Variants in OSBPL1A observed in about 807,000 individuals in gnomAD.
OSBPL1A encodes the protein oxysterol-binding protein-related protein 1.
OSBPL1A carries 80 observed loss-of-function variants against 137.1 expected under a neutral mutation model. That is an observed-to-expected ratio of 0.58 (90% confidence interval 0.49 to 0.70). The LOEUF (loss-of-function observed/expected upper bound fraction) is 0.70, where lower values mean the gene tolerates loss of function less well. OSBPL1A is among the 30% of genes least tolerant of loss of function. The pLI, the probability that OSBPL1A is intolerant of heterozygous loss-of-function variation, is 0.00. For missense variants in OSBPL1A, 970 were observed against 1,129.4 expected, an observed-to-expected ratio of 0.86 and a Z score of 2.02; for synonymous variants, 365 against 389.7, an observed-to-expected ratio of 0.94 and a Z score of 0.75.
At chr18:24,353,511 G>A (rs1416107337) in intron 4 of OSBPL1A, among the ~76,000 whole-genome samples, 4 of 151,998 alleles carry the variant, frequency 2.6e-5, no homozygotes, top group East Asian at 3.9e-4. Context: ...TCAGTGTGGC[G>A]ATTCCTCAGG....
chr18:24,374,874 G>A (rs1324467196), intron 2 of OSBPL1A, among the ~76,000 whole-genome samples: 1 of 152,078 alleles, frequency 6.6e-6, no homozygotes, highest in Non-Finnish European at 1.5e-5. Context: ...AGACAAGGGT[G>A]GCTGAGGACC....
At chr18:24,342,575 A>T (rs759669923) in intron 4 of OSBPL1A, among the ~76,000 whole-genome samples, 6 of 152,188 alleles carry the variant, frequency 3.9e-5, no homozygotes, top group African/African-American at 1.4e-4. Flanking sequence ...TAGGAATTTC[A>T]TCTTTCCTTT....
intron 17 of OSBPL1A, among the ~76,000 whole-genome samples, chr18:24,202,061 C>T (rs534318268): frequency 1.1e-4 from 16 of 152,242 alleles, no homozygotes; most frequent in African/African-American, 3.9e-4. Flanking sequence ...TCTTCTGGGT[C>T]TTGTGTGTGT....
chr18:24,175,321 G>A (rs1454760070), intron 21 of OSBPL1A, among the ~76,000 whole-genome samples: 1 of 151,154 alleles, frequency 6.6e-6, no homozygotes, highest in Non-Finnish European at 1.5e-5. Context: ...AAGCAACTGG[G>A]ACTATAGGTG....
intron 17 of OSBPL1A, among the ~76,000 whole-genome samples, chr18:24,219,296 A>C (rs930894737): frequency 6.6e-6 from 1 of 152,168 alleles, no homozygotes; most frequent in Non-Finnish European, 1.5e-5. Flanking sequence ...CTGTCTCACA[A>C]CAAATAAAAA....
chr18:24,274,657 C>T (rs1042169616), intron 15 of OSBPL1A, among the ~76,000 whole-genome samples: 2 of 152,160 alleles, frequency 1.3e-5, no homozygotes, highest in African/African-American at 4.8e-5. Context: ...CCTGTAATCA[C>T]AGCACTCTGG....
chr18:24,269,237 T>G (rs2089657058), intron 15 of OSBPL1A, among the ~76,000 whole-genome samples: 2 of 152,216 alleles, frequency 1.3e-5, no homozygotes, highest in African/African-American at 4.8e-5. Flanking sequence ...GATTAAAATC[T>G]TTCAGTGACT....
At chr18:24,221,652 TC>T (rs1322284667) in intron 17 of OSBPL1A, among the ~76,000 whole-genome samples, 1 of 152,222 alleles carries the variant, frequency 6.6e-6, no homozygotes, top group African/African-American at 2.4e-5. Flanking sequence ...TTTCTTTTTT[TC>T]TTCCATATTA....
At chr18:24,206,111 G>A (rs967330663) in intron 17 of OSBPL1A, among the ~76,000 whole-genome samples, 1 of 152,164 alleles carries the variant, frequency 6.6e-6, no homozygotes, top group Non-Finnish European at 1.5e-5. Flanking sequence ...GGCTGGTCTC[G>A]AACTCCTGAC....
intron 14 of OSBPL1A, 64 bp downstream of exon 14, chr18:24,303,573 A>C: frequency 7.5e-7 from 1 of 1,327,342 alleles, no homozygotes; most frequent in Admixed American, 2.0e-5. Flanking sequence ...AGTCAAACAA[A>C]ACTACAACAG....
At chr18:24,351,652 G>A (rs1277318844) in intron 4 of OSBPL1A, among the ~76,000 whole-genome samples, 1 of 152,080 alleles carries the variant, frequency 6.6e-6, no homozygotes, top group Non-Finnish European at 1.5e-5. Flanking sequence ...TGATACTCCT[G>A]CCCCAGCCTC....
At chr18:24,197,612 G>C (rs903746189) in intron 17 of OSBPL1A, among the ~76,000 whole-genome samples, 2 of 152,008 alleles carry the variant, frequency 1.3e-5, no homozygotes, top group African/African-American at 4.8e-5. Flanking sequence ...TGGATAAGTG[G>C]CCACAGATGG....
chr18:24,242,345 AAAAG>A (rs1335224664), intron 15 of OSBPL1A, among the ~76,000 whole-genome samples: 71 of 150,326 alleles, frequency 4.7e-4, no homozygotes, highest in East Asian at 1.9e-3. Flanking sequence ...TTAAAAAAAA[AAAAG>A]AAAGAAAGAA....
intron 14 of OSBPL1A, among the ~76,000 whole-genome samples, chr18:24,285,510 G>C (rs1317570119): frequency 6.6e-6 from 1 of 152,098 alleles, no homozygotes; most frequent in Non-Finnish European, 1.5e-5. Context: ...TGTGGCACAA[G>C]AAAATATATT....
At chr18:24,177,362 G>A (rs2086477233) in intron 21 of OSBPL1A, among the ~76,000 whole-genome samples, 2 of 152,172 alleles carry the variant, frequency 1.3e-5, no homozygotes, top group Admixed American at 1.3e-4. Context: ...TTGCTGCTCT[G>A]ATTCTGAGCC....
chr18:24,215,888 C>T (rs979812047), intron 17 of OSBPL1A, among the ~76,000 whole-genome samples: 3 of 152,140 alleles, frequency 2.0e-5, no homozygotes, highest in Admixed American at 2.0e-4. Flanking sequence ...GAAGAGGGTA[C>T]ATCTTTGGAT....
At chr18:24,339,553 T>C (rs923305092) in intron 5 of OSBPL1A, among the ~76,000 whole-genome samples, 3 of 152,222 alleles carry the variant, frequency 2.0e-5, no homozygotes, top group Non-Finnish European at 4.4e-5. Context: ...GAGCATGTCT[T>C]TACAATTGCC....
chr18:24,169,810 T>C (rs1338449035), intron 24 of OSBPL1A, among the ~76,000 whole-genome samples: 2 of 152,168 alleles, frequency 1.3e-5, no homozygotes, highest in African/African-American at 4.8e-5. Context: ...CGTATGTGCC[T>C]CCCCTACTGG....
At chr18:24,191,748 G>A (rs535057591) in intron 18 of OSBPL1A, among the ~76,000 whole-genome samples, 4 of 152,224 alleles carry the variant, frequency 2.6e-5, no homozygotes, top group African/African-American at 7.2e-5. Context: ...GAGTTAACTC[G>A]GTAAATGGAG....
Sources: allele counts gnomAD v4.1 joint callset (sites outside exome capture counted in the v4.1 genomes callset), GRCh38; gene constraint gnomAD v4.1.1; transcripts MANE v1.5; gene names NCBI Gene and HGNC (gene_info 2026-07-23, HGNC 2026-07-21).